The following CFAP45 variants were observed in gnomAD, a reference collection of about 807,000 sequenced individuals.
The protein encoded by CFAP45 is cilia- and flagella-associated protein 45.
In CFAP45, 43 loss-of-function variants were observed where a neutral mutation model predicts 75.6. The ratio of observed to expected loss-of-function variants is 0.57; its 90% CI spans 0.45 to 0.73. The LOEUF (loss-of-function observed/expected upper bound fraction) is 0.73, where lower values mean the gene tolerates loss of function less well. CFAP45 is among the 30% of genes least tolerant of loss of function. The probability of loss-of-function intolerance (pLI) is 0.00; values close to 1 mark genes in which losing one functional copy is unlikely to be tolerated. For synonymous variants in CFAP45, 223 were observed against 244.6 expected (o/e 0.91, Z 0.82); for missense variants, 689 against 701.5 (o/e 0.98, Z 0.20).
chr1:159,877,325 G>C, intron 9 of CFAP45, 24 bp downstream of exon 9: 1 of 1,489,996 alleles, frequency 6.7e-7, no homozygotes, highest in South Asian at 1.1e-5. Flanking sequence ...GAAAAGTAGA[G>C]GGAAGTCGAG....
Position 159,876,769 on chromosome 1 carries a change from A to G in CFAP45, c.1159-20T>C, listed in dbSNP as rs757211203. The G allele has an allele frequency of 2.5e-6, 4 of 1,613,876 alleles. No individual in the cohort carries two copies. Among genetic ancestry groups the G allele is most frequent in the Admixed American group, 1.7e-5 (1 of 60,002 alleles). ...GGCATCCTGGGAATGTTGGCAGGGG[A>G]CCAGTGAGGGCACAAAATAGCTGGA... is the stretch of plus-strand genomic sequence containing the variant. On this transcript the variant is annotated intron_variant, in intron 9 of 11. Coordinates refer to ENST00000368099, the MANE Select transcript of CFAP45 (RefSeq NM_012337.3).
chr1:159,876,303 A>C (rs1649400696), intron 10 of CFAP45: 1 of 561,030 alleles, frequency 1.8e-6, no homozygotes, highest in African/African-American at 1.9e-5. Flanking sequence ...TTACTGTTCC[A>C]GGGTAAATAA....
At chr1:159,873,375 T>G in intron 10 of CFAP45, 1 of 595,084 alleles carries the variant, frequency 1.7e-6, no homozygotes, top group Non-Finnish European at 3.0e-6. Context: ...CAGCCAGGAC[T>G]AGCTCCAGGG....
Position 159,880,906 on chromosome 1 carries a change from A to G in CFAP45, c.898-206T>C, listed in dbSNP as rs115304998. 2.8e-3 allele frequency among the ~76,000 whole-genome samples: 432 copies of G among 152,266 alleles called. 3 individuals are homozygous for G. Among genetic ancestry groups the G allele is most frequent in the African/African-American group, 9.8e-3 (407 of 41,556 alleles). On this transcript the variant is annotated intron_variant, in intron 7 of 11. Transcript: ENST00000368099. ...ATGGCCTATTTACAGTCTTCATCCA[A>G]CTTGACTTTGTGGCAGCCCCTGATG...
In CFAP45 at chr1:159,893,308, G is replaced by A; in HGVS notation, c.4-3C>T. 3 of 1,612,494 alleles carry A rather than the reference G, an allele frequency of 1.9e-6. No homozygotes were observed. Among genetic ancestry groups the A allele is most frequent in the Non-Finnish European group, 2.5e-6 (3 of 1,179,624 alleles). On this transcript the variant is annotated splice_polypyrimidine_tract_variant and splice_region_variant and intron_variant, in intron 1 of 11. Transcript: ENST00000368099. ...AGGATGCCAGCTGTGCTTAGTGGCT[G>A]CAGGAAGAGGCAGAAAGTTTGGGTC...
At chr1:159,875,044 C>T (rs1421570407) in intron 10 of CFAP45, among the ~76,000 whole-genome samples, 1 of 152,194 alleles carries the variant, frequency 6.6e-6, no homozygotes, top group Non-Finnish European at 1.5e-5. Context: ...ATGGTGGTCA[C>T]ATGGCCCTGG....
chr1:159,879,492 G>A (rs909434234), intron 8 of CFAP45, among the ~76,000 whole-genome samples: 6 of 152,148 alleles, frequency 3.9e-5, no homozygotes, highest in Admixed American at 2.6e-4. Flanking sequence ...GAGATAACAC[G>A]TGTAAAACAC....
At chr1:159,879,228 C>A (rs1045585362) in intron 8 of CFAP45, among the ~76,000 whole-genome samples, 2 of 152,208 alleles carry the variant, frequency 1.3e-5, no homozygotes, top group African/African-American at 4.8e-5. Context: ...AGCTCTCTGT[C>A]ATCTCACCAC....
In CFAP45 at chr1:159,884,517, T is replaced by C; in HGVS notation, c.816A>G (p.Arg272=). The change falls in exon 7 of 12, where the codon CGA becomes CGG. Residue 272 remains arginine (R), a synonymous_variant. Transcript: ENST00000368099. ...GCTCCCGCTGCTCAGCAAGCAGCGATCGCTCCTCCTGGTTCTTTTCCATCT... is the reference window on the plus strand; with the variant it reads ...GCTCCCGCTGCTCAGCAAGCAGCGACCGCTCCTCCTGGTTCTTTTCCATCT... ...VEQMEKNQEE[R]SLLAEQREQE... The C allele has an allele frequency of 6.2e-7, 1 of 1,613,838 alleles. No homozygotes were observed. The highest frequency in any genetic ancestry group is 1.1e-5 in the South Asian group (1 of 91,024).
At position 159,884,618 on chromosome 1, in the gene CFAP45, A is replaced by C. The variant is rs1341383464; in HGVS notation, c.768-53T>G. The C allele has an allele frequency of 8.3e-6, 13 of 1,575,172 alleles. No homozygotes were observed. The Admixed American group carries it at 8.8e-5, about 11-fold the overall frequency. On this transcript the variant is annotated intron_variant, in intron 6 of 11. Transcript: ENST00000368099. ...TAGAAACCCCGGGTCCACATCTCCC[A>C]GAGTCCAACCTCCACCTAAACAACC...
In CFAP45 at chr1:159,880,546, G is replaced by C. The variant is rs1457034336; in HGVS notation, c.1044+8C>G. 1 of 1,610,882 alleles carries C rather than the reference G, an allele frequency of 6.2e-7. No homozygotes were observed. Among genetic ancestry groups the C allele is most frequent in the East Asian group, 2.2e-5 (1 of 44,760 alleles). On this transcript the variant is annotated splice_region_variant and intron_variant, in intron 8 of 11. Coordinates refer to ENST00000368099, the MANE Select transcript of CFAP45 (RefSeq NM_012337.3). Reference sequence around the variant, plus strand: ...CCTAACCAAAGGTCCCAGAAACCAAGTCCCTACCATCTTCTTCTTGGTAAA... The same window carrying C: ...CCTAACCAAAGGTCCCAGAAACCAACTCCCTACCATCTTCTTCTTGGTAAA...
intron 8 of CFAP45, among the ~76,000 whole-genome samples, chr1:159,879,754 C>A (rs1649505234): frequency 6.6e-6 from 1 of 152,174 alleles, no homozygotes; most frequent in Non-Finnish European, 1.5e-5. Context: ...CTCCCCCTGG[C>A]CTTCTTTAAA....
rs539116292 is a variant in CFAP45, at chr1:159,878,753, TAAAAAAAAAAAAAAAA to T, written c.1045-1307_1045-1292del. 2.2e-4 allele frequency among the ~76,000 whole-genome samples: 7 copies of T among 32,486 alleles called. 1 individual carries two copies. Among genetic ancestry groups the T allele is most frequent in the Non-Finnish European group, 4.1e-4 (7 of 17,256 alleles). 21.3% of individuals were successfully genotyped at this position (32,486 alleles called of 152,430 possible). On this transcript the variant is annotated intron_variant, in intron 8 of 11. Coordinates refer to ENST00000368099, the MANE Select transcript of CFAP45 (RefSeq NM_012337.3). ...CCTAGTGACAGAGCAAGACTACATC[TAAAAAAAAAAAAAAAA>T]AAAAAAAAAAAAACCTTCCTTGCCC...
chr1:159,877,568 G>A, intron 8 of CFAP45, 106 bp from the exon 9 acceptor site: 1 of 811,906 alleles, frequency 1.2e-6, no homozygotes. Context: ...ACCACTTCCT[G>A]ACTCCTTTTA....
intron 8 of CFAP45, among the ~76,000 whole-genome samples, chr1:159,880,107 G>A (rs753346702): frequency 1.3e-5 from 2 of 152,102 alleles, no homozygotes; most frequent in African/African-American, 4.8e-5. Flanking sequence ...TTCTTTGGTG[G>A]GAGATGGGGG....
chr1:159,889,826 G>A (rs1649784992), intron 3 of CFAP45, among the ~76,000 whole-genome samples: 1 of 152,206 alleles, frequency 6.6e-6, no homozygotes, highest in Non-Finnish European at 1.5e-5. Flanking sequence ...GCTTTTAGTG[G>A]GTGGAGCCAG....
intron 1 of CFAP45, among the ~76,000 whole-genome samples, chr1:159,896,458 A>C (rs981145429): frequency 6.6e-6 from 1 of 152,216 alleles, no homozygotes; most frequent in Non-Finnish European, 1.5e-5. Context: ...TGCCAAGAGT[A>C]ACAAGGATTA....
intron 1 of CFAP45, among the ~76,000 whole-genome samples, 195 bp from the exon 2 acceptor site, chr1:159,893,500 G>C (rs549353733): frequency 6.6e-6 from 1 of 152,318 alleles, no homozygotes; most frequent in South Asian, 2.1e-4. Flanking sequence ...ACAGAGCAGG[G>C]AAGGGTCTCT....
chr1:159,894,749 G>A (rs1307421575), intron 1 of CFAP45, among the ~76,000 whole-genome samples: 2 of 152,166 alleles, frequency 1.3e-5, no homozygotes. Context: ...ACCTCAGCCT[G>A]GCCAAGGGAC....
Sources: gnomAD v4.1 joint callset for allele counts (sites outside exome capture counted in the v4.1 genomes callset) on GRCh38, gnomAD v4.1.1 for gene constraint, MANE v1.5 for transcripts, NCBI Gene and HGNC (gene_info 2026-07-23, HGNC 2026-07-21) for gene names.